Variants in TSGA10 observed in about 807,000 individuals in gnomAD.
TSGA10 encodes testis-specific gene 10 protein.
TSGA10 carries 43 observed loss-of-function variants against 96.6 expected under a neutral mutation model. That is an observed-to-expected ratio of 0.44 (90% CI 0.35 to 0.57). TSGA10 has a LOEUF of 0.57. Among genes scored for constraint, TSGA10 ranks in the 20% least tolerant of loss-of-function variants. The pLI, the probability that TSGA10 is intolerant of heterozygous loss-of-function variation, is 0.01. For missense variants in TSGA10, 703 were observed against 834.4 expected, an observed-to-expected ratio of 0.84 and a Z score of 1.94; for synonymous variants, 229 against 269.9, an observed-to-expected ratio of 0.85 and a Z score of 1.48.
At chr2:99,093,096 A>G (rs2089554199) in intron 10 of TSGA10, among the ~76,000 whole-genome samples, 1 of 152,198 alleles carries the variant, frequency 6.6e-6, no homozygotes, top group Non-Finnish European at 1.5e-5. Flanking sequence ...GGAAGGTTTA[A>G]CATACGCAAG....
intron 11 of TSGA10, 83 bp from the exon 12 acceptor site, chr2:99,078,896 C>T (rs2087081549): frequency 2.8e-6 from 3 of 1,082,376 alleles, no homozygotes; most frequent in Non-Finnish European, 3.9e-6. Flanking sequence ...ACTTTTTGAA[C>T]TTCTCCTTAC....
At chr2:99,009,746 C>CATATATATAAG (rs894862216) in intron 20 of TSGA10, among the ~76,000 whole-genome samples, 1 of 151,926 alleles carries the variant, frequency 6.6e-6, no homozygotes, top group Non-Finnish European at 1.5e-5. Flanking sequence ...GAAGAAAGAA[C>CATATATATAAG]ATATATATAA....
At chr2:99,096,584 G>C (rs577443800) in intron 10 of TSGA10, among the ~76,000 whole-genome samples, 1 of 152,198 alleles carries the variant, frequency 6.6e-6, no homozygotes, top group South Asian at 2.1e-4. Context: ...CTTTACATTT[G>C]ACTCAAATTT....
chr2:99,073,215 C>T, intron 12 of TSGA10, 142 bp from the exon 13 acceptor site: 1 of 575,240 alleles, frequency 1.7e-6, no homozygotes. Context: ...CTTTTCCACA[C>T]TTTAAAGCCT....
At chr2:99,138,185 G>C (rs914840215) in intron 1 of TSGA10, among the ~76,000 whole-genome samples, 2 of 152,130 alleles carry the variant, frequency 1.3e-5, no homozygotes, top group Non-Finnish European at 1.5e-5. Context: ...CCTCTCTCAG[G>C]AACACTTTCT....
intron 20 of TSGA10, among the ~76,000 whole-genome samples, chr2:99,009,571 C>CAAAA (rs765452742): frequency 8.8e-5 from 4 of 45,428 alleles, no homozygotes; most frequent in South Asian, 9.3e-4. Context: ...GACCCTGTCT[C>CAAAA]AAAAAAAAAA....
At chr2:99,118,493 A>T in intron 3 of TSGA10, 58 bp downstream of exon 3, 1 of 596,802 alleles carries the variant, frequency 1.7e-6, no homozygotes, top group Non-Finnish European at 2.1e-6. Flanking sequence ...ATATATACGT[A>T]TATATATGTG....
At chr2:99,067,601 C>T (rs1024046192) in intron 15 of TSGA10, among the ~76,000 whole-genome samples, 2 of 151,940 alleles carry the variant, frequency 1.3e-5, no homozygotes, top group African/African-American at 4.8e-5. Flanking sequence ...GCCTGTAATC[C>T]CAGCACTTTG....
intron 1 of TSGA10, chr2:99,147,384 C>A: frequency 7.8e-7 from 1 of 1,288,774 alleles, no homozygotes; most frequent in Non-Finnish European, 1.1e-6. Context: ...TACCTTTATT[C>A]TTACATATAT....
intron 17 of TSGA10, among the ~76,000 whole-genome samples, chr2:99,025,440 C>G (rs967733054): frequency 6.6e-6 from 1 of 152,048 alleles, no homozygotes; most frequent in Non-Finnish European, 1.5e-5. Context: ...CCCTATGATA[C>G]TTTTTTTATA....
At chr2:99,076,685 A>C (rs561239330) in intron 12 of TSGA10, among the ~76,000 whole-genome samples, 11 of 152,132 alleles carry the variant, frequency 7.2e-5, no homozygotes, top group African/African-American at 2.2e-4. Context: ...TCCCATATCT[A>C]TCTCTCTACA....
chr2:99,150,485 A>C (rs750988071), intron 1 of TSGA10: 1 of 1,506,006 alleles, frequency 6.6e-7, no homozygotes, highest in South Asian at 1.3e-5. Flanking sequence ...TTTTTCAGTA[A>C]TCAAGTTGAA....
chr2:99,022,856 T>C (rs1053872689), intron 17 of TSGA10, among the ~76,000 whole-genome samples: 5 of 152,210 alleles, frequency 3.3e-5, no homozygotes, highest in Admixed American at 3.3e-4. Context: ...TTTTTTATCT[T>C]CTCTCTGATT....
At chr2:99,088,899 G>T (rs185388137) in intron 10 of TSGA10, among the ~76,000 whole-genome samples, 456 of 152,286 alleles carry the variant, frequency 3.0e-3, no homozygotes, top group African/African-American at 0.011. Context: ...TAGGAGGCAG[G>T]ACTAATTTGA....
intron 1 of TSGA10, among the ~76,000 whole-genome samples, chr2:99,134,060 T>C (rs2093223603): frequency 6.6e-6 from 1 of 152,168 alleles, no homozygotes; most frequent in Non-Finnish European, 1.5e-5. Context: ...CGATTATGTG[T>C]CTTGGGGTTG....
chr2:99,065,495 T>C (rs1033745700), intron 15 of TSGA10, among the ~76,000 whole-genome samples: 2 of 152,238 alleles, frequency 1.3e-5, no homozygotes, highest in Non-Finnish European at 2.9e-5. Context: ...TCTGAGCCTC[T>C]GACCTTTCGT....
At chr2:99,141,206 CCT>C (rs2093536212) in intron 1 of TSGA10, 1 of 1,143,096 alleles carries the variant, frequency 8.7e-7, no homozygotes, top group African/African-American at 1.7e-5. Flanking sequence ...ATCCTCCGCC[CCT>C]TTCTCCTCCC....
chr2:99,034,015 A>G (rs181338779), intron 17 of TSGA10, among the ~76,000 whole-genome samples: 1 of 152,152 alleles, frequency 6.6e-6, no homozygotes, highest in African/African-American at 2.4e-5. Flanking sequence ...TTACTTCCCA[A>G]TCACAAAAGA....
Position 99,013,744 on chromosome 2 carries a change from G to A in TSGA10, c.2072+4456C>T, listed in dbSNP as rs188022603. On this transcript the variant is annotated intron_variant, in intron 20 of 20. Transcript: ENST00000393483. ...ATAATCTGCTCTTGAGGCTGGCTGC[G>A]GGGGCTCATGCCTGTAATCCCAGCA... 2.5e-3 allele frequency among the ~76,000 whole-genome samples: 376 copies of A among 151,974 alleles called. 1 individual carries two copies. Among genetic ancestry groups the A allele is most frequent in the African/African-American group, 8.6e-3 (357 of 41,488 alleles).
Sources: allele counts gnomAD v4.1 joint callset (sites outside exome capture counted in the v4.1 genomes callset), GRCh38; gene constraint gnomAD v4.1.1; transcripts MANE v1.5; gene names NCBI Gene and HGNC (gene_info 2026-07-23, HGNC 2026-07-21).